GRHL1: variants seen among roughly 807,000 people sequenced by gnomAD.
GRHL1 encodes the protein grainyhead-like protein 1 homolog.
In GRHL1, 38 loss-of-function variants were observed where a neutral mutation model predicts 75.7. The observed-to-expected ratio is 0.50, with a 90% CI of 0.39 to 0.66. The LOEUF (loss-of-function observed/expected upper bound fraction) is 0.66. GRHL1 is among the 30% of genes least tolerant of loss of function. The probability of loss-of-function intolerance (pLI) is 0.00; values close to 1 mark genes in which losing one functional copy is unlikely to be tolerated. For missense variants in GRHL1, 589 were observed against 767.5 expected (o/e 0.77, Z 2.75); for synonymous variants, 266 against 279.4 (o/e 0.95, Z 0.48).
chr2:9,983,236 C>T (rs1668273133), intron 8 of GRHL1, among the ~76,000 whole-genome samples: 1 of 152,162 alleles, frequency 6.6e-6, no homozygotes, highest in Admixed American at 6.5e-5. Context: ...TGTTCCTGGC[C>T]TGCAGTGCTT....
At chr2:9,975,868 A>C (rs1362088633) in intron 8 of GRHL1, among the ~76,000 whole-genome samples, 3 of 152,184 alleles carry the variant, frequency 2.0e-5, no homozygotes. Context: ...CCTGGGCAAC[A>C]AGAAAAAAAA....
intron 15 of GRHL1, among the ~76,000 whole-genome samples, chr2:9,999,776 A>G (rs1433955162): frequency 6.6e-6 from 1 of 152,238 alleles, no homozygotes; most frequent in Non-Finnish European, 1.5e-5. Flanking sequence ...TTTTAAAACA[A>G]ATTCTAATGG....
chr2:9,965,407 A>G, intron 8 of GRHL1, 26 bp downstream of exon 8: 1 of 1,215,872 alleles, frequency 8.2e-7, no homozygotes, highest in South Asian at 1.2e-5. Context: ...TGGGCGCCTT[A>G]TGTCCAGCCA....
chr2:9,991,934 C>G, intron 10 of GRHL1, 73 bp from the exon 11 acceptor site: 2 of 1,225,194 alleles, frequency 1.6e-6, no homozygotes, highest in Non-Finnish European at 2.3e-6. Context: ...GGCGAGCACT[C>G]TGTGGCCTGC....
At chr2:9,989,340 T>C (rs1668546803) in intron 9 of GRHL1, among the ~76,000 whole-genome samples, 1 of 152,216 alleles carries the variant, frequency 6.6e-6, no homozygotes, top group African/African-American at 2.4e-5. Flanking sequence ...AAGAAATCTG[T>C]ACCATCCAGA....
intron 8 of GRHL1, among the ~76,000 whole-genome samples, chr2:9,967,823 T>G (rs544160745): frequency 6.6e-6 from 1 of 152,202 alleles, no homozygotes; most frequent in Admixed American, 6.5e-5. Context: ...TCTGAAAATA[T>G]CTACTTTCTT....
At chr2:9,986,979 C>G (rs1384349643) in intron 9 of GRHL1, among the ~76,000 whole-genome samples, 1 of 150,634 alleles carries the variant, frequency 6.6e-6, no homozygotes, top group African/African-American at 2.5e-5. Context: ...AAATGTAAAA[C>G]AGCTTTTTTT....
At chr2:9,958,739 A>T (rs777708441) in intron 2 of GRHL1, 47 bp from the exon 3 acceptor site, 4 of 1,396,478 alleles carry the variant, frequency 2.9e-6, no homozygotes, top group Admixed American at 1.7e-5. Context: ...GGTAAACTGC[A>T]CTTCACTGGA....
At chr2:9,985,911 C>G (rs987962547) in intron 8 of GRHL1, among the ~76,000 whole-genome samples, 1 of 152,192 alleles carries the variant, frequency 6.6e-6, no homozygotes, top group Non-Finnish European at 1.5e-5. Context: ...CCGACTCTTC[C>G]TCCTCTTTAA....
At chr2:9,973,132 G>C (rs1667803788) in intron 8 of GRHL1, among the ~76,000 whole-genome samples, 1 of 152,146 alleles carries the variant, frequency 6.6e-6, no homozygotes, top group African/African-American at 2.4e-5. Flanking sequence ...GATGGTGATT[G>C]GATAGCCTGA....
At chr2:9,973,805 T>C (rs1667833901) in intron 8 of GRHL1, among the ~76,000 whole-genome samples, 1 of 152,158 alleles carries the variant, frequency 6.6e-6, no homozygotes, top group South Asian at 2.1e-4. Context: ...AAATAAATAC[T>C]AAGATGGGTT....
At position 9,951,833 on chromosome 2, in the gene GRHL1, G is replaced by T; in HGVS notation, c.-1G>T. 6.6e-7 allele frequency: 1 copy of T among 1,522,750 alleles called. No homozygotes were observed. The highest frequency in any genetic ancestry group is 8.8e-7 in the Non-Finnish European group (1 of 1,133,380). 94.3% of individuals were successfully genotyped at this position (1,522,750 alleles called of 1,614,324 possible). On this transcript the variant is annotated 5_prime_UTR_variant, in exon 1 of 16. Transcript: ENST00000324907. This position sits in a 1 kb window ranked among gnomAD's most constrained non-coding sequence, Gnocchi z 4.2. ...CGGCCCGGCAGCGGCGAGCGGGCGC[G>T]ATGACACAGGAGTACGACAAGTGAG...
intron 1 of GRHL1, chr2:9,953,098 G>T (rs1338686322): frequency 2.2e-6 from 1 of 456,508 alleles, no homozygotes; most frequent in East Asian, 6.9e-5. Context: ...TTTAGATAAG[G>T]CAAATTTTCC....
At chr2:9,966,337 A>G (rs770617159) in intron 8 of GRHL1, 2 of 152,436 alleles carry the variant, frequency 1.3e-5, no homozygotes, top group Non-Finnish European at 1.5e-5. Flanking sequence ...GACGGGGGTT[A>G]CAGTGAGCTG....
rs2303920 is a variant in GRHL1, at chr2:9,986,202, G to A, written c.1189G>A (p.Val397Ile). Residue 397 changes from valine to isoleucine, a missense_variant, in exon 9 of 16, where the codon GTT becomes ATT. Physicochemically the swap from Val to Ile is conservative, Grantham distance 29 (BLOSUM62 3). Around this residue, in one of 5 missense-constraint regions of GRHL1, gnomAD observed 30 missense variants for 40.3 expected, o/e 0.74. Transcript: ENST00000324907. ...GVKGLPLNIQ[V>I]DTYSYNNRSN... Reference sequence around the variant, plus strand: ...GAAGGGGTTGCCTCTTAACATTCAAGTTGATACCTATAGTTACAACAACCG... The same window carrying A: ...GAAGGGGTTGCCTCTTAACATTCAAATTGATACCTATAGTTACAACAACCG... 355,509 of 1,612,238 alleles carry A rather than the reference G, an allele frequency of 0.22. 42,425 individuals carry two copies. The highest frequency in any genetic ancestry group is 0.41 in the Admixed American group (24,311 of 59,834).
At chr2:9,998,410 T>G (rs1668969068) in intron 14 of GRHL1, among the ~76,000 whole-genome samples, 1 of 124,680 alleles carries the variant, frequency 8.0e-6, no homozygotes, top group Non-Finnish European at 1.7e-5. Context: ...AAACAAAAAG[T>G]CGAGTGACTA....
rs757836722 is a variant in GRHL1, at chr2:9,996,416, C to T, written c.1677+15C>T. 1.4e-6 allele frequency: 2 copies of T among 1,455,960 alleles called. No individual in the cohort carries two copies. Among genetic ancestry groups the T allele is most frequent in the African/African-American group, 1.4e-5 (1 of 72,060 alleles). The allele number at this position is 1,455,960 out of a possible 1,614,324, so 90.2% of individuals were successfully genotyped here. A position where few individuals can be genotyped will look rare whatever the true frequency, so the allele number is the denominator to read the frequency against. On this transcript the variant is annotated intron_variant, in intron 14 of 15. Coordinates refer to ENST00000324907, the MANE Select transcript of GRHL1 (RefSeq NM_198182.3). ...TGATGGAAGCTGTAAGTAGGATCAA[C>T]TCTGTAATCCCCTGTACAAAATGAA... is the stretch of plus-strand genomic sequence containing the variant.
At chr2:9,978,526 T>G (rs1668048654) in intron 8 of GRHL1, among the ~76,000 whole-genome samples, 3 of 152,168 alleles carry the variant, frequency 2.0e-5, no homozygotes, top group African/African-American at 7.2e-5. Context: ...CCTTGAGAAT[T>G]TGGATTCCTG....
rs1052816874 is a variant in GRHL1, at chr2:9,996,538, G to T, written c.1677+137G>T. 4.5e-6 allele frequency: 3 copies of T among 660,990 alleles called. No homozygotes were observed. In the African/African-American group the frequency reaches 5.4e-5, roughly 12 times the overall value. 40.9% of individuals were successfully genotyped at this position (660,990 alleles called of 1,614,324 possible). A position where few individuals can be genotyped will look rare whatever the true frequency, so the allele number is the denominator to read the frequency against. On this transcript the variant is annotated intron_variant, in intron 14 of 15. Transcript: ENST00000324907. ...TCCCTGACACCTTTCTCGAGTCGTCGTGCGTCCCACATTTTATCCTCACCC... is the reference window on the plus strand; with the variant it reads ...TCCCTGACACCTTTCTCGAGTCGTCTTGCGTCCCACATTTTATCCTCACCC...
Sources: gnomAD v4.1 joint callset for allele counts (sites outside exome capture counted in the v4.1 genomes callset) on GRCh38, gnomAD v4.1.1 for gene constraint, gnomAD v4.1.1 regional missense constraint, Gnocchi (gnomAD v3.1) non-coding constraint, MANE v1.5 for transcripts, NCBI Gene and HGNC (gene_info 2026-07-23, HGNC 2026-07-21) for gene names.